Variants in CALML4 observed in about 807,000 individuals in gnomAD.
The protein encoded by CALML4 is calmodulin-like protein 4.
CALML4 carries 16 observed loss-of-function variants against 17.9 expected under a neutral mutation model. The observed-to-expected ratio is 0.89, with a 90% CI of 0.61 to 1.36. The LOEUF is 1.36. CALML4 is among the 40% of genes most tolerant of loss of function. The pLI is 0.00. For synonymous variants in CALML4, 86 were observed against 71.5 expected (o/e 1.20, Z -1.02); for missense variants, 203 against 194.8 (o/e 1.04, Z -0.25).
At chr15:68,194,212 G>GC in intron 4 of CALML4, 100 bp from the exon 5 acceptor site, 1 of 804,454 alleles carries the variant, frequency 1.2e-6, no homozygotes, top group Non-Finnish European at 2.1e-6. Context: ...TCTTCCCTGA[G>GC]CGTGCAGTTG....
chr15:68,205,819 T>C (rs2093182023), upstream of CALML4: 1 of 192,188 alleles, frequency 5.2e-6, no homozygotes, highest in Non-Finnish European at 1.1e-5. This position sits in a 1 kb window ranked among gnomAD's most constrained non-coding sequence, Gnocchi z 4.8. Context: ...GTCTGCTGAC[T>C]TGCTGAGTGA....
intron 4 of CALML4, among the ~76,000 whole-genome samples, chr15:68,194,384 C>CTT (rs56240648): frequency 0.012 from 1,707 of 141,040 alleles, 38 homozygotes; most frequent in African/African-American, 0.043. Flanking sequence ...CCACCGTGTG[C>CTT]TTTTTTTTTT....
In CALML4 at chr15:68,194,025, C is replaced by G. The variant is rs371825921; in HGVS notation, c.452G>C (p.Arg151Pro). The stretch of plus-strand genomic sequence containing the variant: ...TCCCATTCTCCTCCTTCAATAGTCC[C>G]GTCCAGGAAGGGTGATCTTGTGGAT... The part of the protein sequence containing the change: ...EFIHKITLPG[R>P]DY The change falls in exon 5 of 5, where the codon CGG becomes CCG. Residue 151 changes from arginine (R) to proline (P), a missense_variant. Coordinates refer to ENST00000467889, the MANE Select transcript of CALML4 (RefSeq NM_033429.3). 1.2e-6 allele frequency: 2 copies of G among 1,612,894 alleles called. No homozygotes were observed. The highest frequency in any genetic ancestry group is 1.7e-6 in the Non-Finnish European group (2 of 1,178,890).
At position 68,192,444 on chromosome 15, in the gene CALML4, G is replaced by A. The variant is rs1012170107; in HGVS notation, c.*1571C>T. 1 of 152,160 alleles carries A rather than the reference G, an allele frequency of 6.6e-6. No individual in the cohort carries two copies. The highest frequency in any genetic ancestry group is 1.5e-5 in the Non-Finnish European group (1 of 68,048). 9.4% of individuals were successfully genotyped at this position (152,160 alleles called of 1,614,324 possible). A position where few individuals can be genotyped will look rare whatever the true frequency, so the allele number is the denominator to read the frequency against. Reference sequence around the variant, plus strand: ...CCCACAAAACATCTGCTCCTACACTGTGTGGACCTGGGCTTCCCAGCCAGA... The same window carrying A: ...CCCACAAAACATCTGCTCCTACACTATGTGGACCTGGGCTTCCCAGCCAGA... On this transcript the variant is annotated 3_prime_UTR_variant, in exon 5 of 5. Transcript: ENST00000467889.
chr15:68,197,193 TC>T lies in CALML4; in HGVS notation c.364+246del, dbSNP rs1358994900. On this transcript the variant is annotated intron_variant, in intron 4 of 4. Transcript: ENST00000467889. The surrounding 1 kb of genome is among the most constrained non-coding windows in gnomAD (Gnocchi z 4.1). ...GCTCCAGCTGCCCTGCCTTGTGGGT[TC>T]CGAGCTGGGTTTCCCCTAGGCTGTC... Among the ~76,000 whole-genome samples, 1 of 152,090 alleles carries T rather than the reference TC, an allele frequency of 6.6e-6. No individual in the cohort carries two copies. The highest frequency in any genetic ancestry group is 1.5e-5 in the Non-Finnish European group (1 of 68,004).
chr15:68,195,974 C>T (rs917417426), intron 4 of CALML4, among the ~76,000 whole-genome samples: 5 of 152,156 alleles, frequency 3.3e-5, no homozygotes, highest in Non-Finnish European at 5.9e-5. Context: ...TGACCCATGT[C>T]TTCCCTATCC....
upstream of CALML4, chr15:68,206,073 C>G (rs148312821): frequency 5.0e-3 from 762 of 152,500 alleles, 6 homozygotes; most frequent in African/African-American, 0.018. Flanking sequence ...GAAGGCTCCC[C>G]TTTTCTTCCT....
intron 2 of CALML4, among the ~76,000 whole-genome samples, chr15:68,201,585 T>C (rs2093165797): frequency 6.6e-6 from 1 of 152,080 alleles, no homozygotes; most frequent in Non-Finnish European, 1.5e-5. Flanking sequence ...ACCCTTGGGG[T>C]CCAGAATCAG....
At position 68,191,017 on chromosome 15, in the gene CALML4, C is replaced by A. The variant is rs1409401797; in HGVS notation, c.*2998G>T. The A allele has an allele frequency of 6.6e-6, 1 of 152,326 alleles. No homozygotes were observed. The highest frequency in any genetic ancestry group is 1.5e-5 in the Non-Finnish European group (1 of 68,018). The allele number at this position is 152,326 out of a possible 1,614,324, so 9.4% of individuals were successfully genotyped here. A position where few individuals can be genotyped will look rare whatever the true frequency, so the allele number is the denominator to read the frequency against. ...CAATTTCAATTTTAAACACATAAAACTTTCAAGATCTTCAGGACTTTTTAA... is the reference window on the plus strand; with the variant it reads ...CAATTTCAATTTTAAACACATAAAAATTTCAAGATCTTCAGGACTTTTTAA... On this transcript the variant is annotated 3_prime_UTR_variant, in exon 5 of 5. Coordinates refer to ENST00000467889, the MANE Select transcript of CALML4 (RefSeq NM_033429.3).
chr15:68,192,408 A>G lies in CALML4; in HGVS notation c.*1607T>C, dbSNP rs770889157. ...TATTCTTAAGGCAGCCAAATCTCGT[A>G]AACCTCAGACCCCACAAAACATCTG... On this transcript the variant is annotated 3_prime_UTR_variant, in exon 5 of 5. Transcript: ENST00000467889. The G allele has an allele frequency of 3.9e-5, 6 of 152,216 alleles. No individual in the cohort carries two copies. Among genetic ancestry groups the G allele is most frequent in the Non-Finnish European group, 7.3e-5 (5 of 68,044 alleles). 9.4% of individuals were successfully genotyped at this position (152,216 alleles called of 1,614,324 possible). A position where few individuals can be genotyped will look rare whatever the true frequency, so the allele number is the denominator to read the frequency against.
chr15:68,195,766 T>A (rs971936602), intron 4 of CALML4, among the ~76,000 whole-genome samples: 19 of 152,148 alleles, frequency 1.2e-4, no homozygotes, highest in African/African-American at 4.3e-4. Context: ...GAAATCGGTG[T>A]CCCTGCTTGT....
rs964405968 is a variant in CALML4, at chr15:68,191,854, A to C, written c.*2161T>G. On this transcript the variant is annotated 3_prime_UTR_variant, in exon 5 of 5. Transcript: ENST00000467889. ...AGGTTTGAATCAAACACTTAATAGG[A>C]TCTTAGACTCTGGACCACTGAATCC... 1 of 152,162 alleles carries C rather than the reference A, an allele frequency of 6.6e-6. No individual in the cohort carries two copies. The highest frequency in any genetic ancestry group is 2.1e-4 in the South Asian group (1 of 4,826). 9.4% of individuals were successfully genotyped at this position (152,162 alleles called of 1,614,324 possible).
In CALML4 at chr15:68,197,310, TCA is replaced by T. The variant is rs200077073; in HGVS notation, c.364+128_364+129del. On this transcript the variant is annotated intron_variant, in intron 4 of 4. Coordinates refer to ENST00000467889, the MANE Select transcript of CALML4 (RefSeq NM_033429.3). The surrounding 1 kb of genome is among the most constrained non-coding windows in gnomAD (Gnocchi z 4.1). ...AGCACCCACCTAGTGTGGCATCTGC[TCA>T]CAGTCTCCTGCGCGCGCATCAACAG... The T allele has an allele frequency of 0.013, 10,721 of 815,830 alleles. 92 individuals carry two copies. The highest frequency in any genetic ancestry group is 0.018 in the Non-Finnish European group (9,181 of 518,812). The allele number at this position is 815,830 out of a possible 1,614,324, so 50.5% of individuals were successfully genotyped here. A position where few individuals can be genotyped will look rare whatever the true frequency, so the allele number is the denominator to read the frequency against.
rs1386418841 is a variant in CALML4, at chr15:68,192,387, C to A, written c.*1628G>T. 1 of 152,204 alleles carries A rather than the reference C, an allele frequency of 6.6e-6. No individual in the cohort carries two copies. The highest frequency in any genetic ancestry group is 1.5e-5 in the Non-Finnish European group (1 of 68,060). 9.4% of individuals were successfully genotyped at this position (152,204 alleles called of 1,614,324 possible). A position where few individuals can be genotyped will look rare whatever the true frequency, so the allele number is the denominator to read the frequency against. ...AATTCTGCATTTCTGTTTTTGTATT[C>A]TTAAGGCAGCCAAATCTCGTAAACC... On this transcript the variant is annotated 3_prime_UTR_variant, in exon 5 of 5. Transcript: ENST00000467889.
chr15:68,199,260 G>A (rs74020071), intron 3 of CALML4, among the ~76,000 whole-genome samples: 2,024 of 152,202 alleles, frequency 0.013, 35 homozygotes, highest in African/African-American at 0.046. Flanking sequence ...TTCCTATAAA[G>A]CAACATGGGA....
rs578054043 is a variant in CALML4, at chr15:68,193,205, G to A, written c.*810C>T. On this transcript the variant is annotated 3_prime_UTR_variant, in exon 5 of 5. Coordinates refer to ENST00000467889, the MANE Select transcript of CALML4 (RefSeq NM_033429.3). ...GTTAACAGAGCCCAGGGAACAGCTC[G>A]GAATTCTCACAGCATTGGAAGCCCC... 1.8e-4 allele frequency: 28 copies of A among 152,514 alleles called. No homozygotes were observed. Among genetic ancestry groups the A allele is most frequent in the African/African-American group, 5.5e-4 (23 of 41,594 alleles). 9.4% of individuals were successfully genotyped at this position (152,514 alleles called of 1,614,324 possible). A position where few individuals can be genotyped will look rare whatever the true frequency, so the allele number is the denominator to read the frequency against.
chr15:68,194,983 A>C (rs2093137581), intron 4 of CALML4, among the ~76,000 whole-genome samples: 1 of 151,998 alleles, frequency 6.6e-6, no homozygotes, highest in African/African-American at 2.4e-5. Flanking sequence ...AGAGAAAAAT[A>C]AATCCAACTC....
rs190618176 is a variant in CALML4 at position 68,197,037 on chromosome 15, C to T, written c.364+403G>A. 3.8e-3 allele frequency among the ~76,000 whole-genome samples: 580 copies of T among 152,296 alleles called. 3 individuals are homozygous for T. The highest frequency in any genetic ancestry group is 0.017 in the Middle Eastern group (5 of 294). On this transcript the variant is annotated intron_variant, in intron 4 of 4. Coordinates refer to ENST00000467889, the MANE Select transcript of CALML4 (RefSeq NM_033429.3). The surrounding 1 kb of genome is among the most constrained non-coding windows in gnomAD (Gnocchi z 4.1). ...TCTAGACCTGCCTTCGCTCCTGCGCCGCTGCTTGGGAGCCGCTCACTCCCC... is the reference window on the plus strand; with the variant it reads ...TCTAGACCTGCCTTCGCTCCTGCGCTGCTGCTTGGGAGCCGCTCACTCCCC...
In CALML4 at chr15:68,197,361, G is replaced by A. The variant is rs2093148609; in HGVS notation, c.364+79C>T. 3 of 1,409,554 alleles carry A rather than the reference G, an allele frequency of 2.1e-6. No individual in the cohort carries two copies. Among genetic ancestry groups the A allele is most frequent in the Non-Finnish European group, 2.9e-6 (3 of 1,022,818 alleles). 87.3% of individuals were successfully genotyped at this position (1,409,554 alleles called of 1,614,324 possible). A position where few individuals can be genotyped will look rare whatever the true frequency, so the allele number is the denominator to read the frequency against. ...AGAGGTGGTCTGTACCACCCTGGTG[G>A]CATCAGCTAGGCTTTGGTGCCCTCC... On this transcript the variant is annotated intron_variant, in intron 4 of 4. Transcript: ENST00000467889. This position sits in a 1 kb window ranked among gnomAD's most constrained non-coding sequence, Gnocchi z 4.1.
Sources: gnomAD v4.1 joint callset for allele counts (sites outside exome capture counted in the v4.1 genomes callset) on GRCh38, gnomAD v4.1.1 for gene constraint, Gnocchi (gnomAD v3.1) non-coding constraint, MANE v1.5 for transcripts, NCBI Gene and HGNC (gene_info 2026-07-23, HGNC 2026-07-21) for gene names.